PITPNC1: variants seen among roughly 807,000 people sequenced by gnomAD.
PITPNC1 encodes cytoplasmic phosphatidylinositol transfer protein 1.
Under a neutral mutation model 44.7 loss-of-function variants are expected in PITPNC1, and 18 were observed. That is an observed-to-expected ratio of 0.40 (90% CI 0.28 to 0.60). The LOEUF is 0.60. PITPNC1 is among the 20% of genes least tolerant of loss of function. The pLI, the probability that PITPNC1 is intolerant of heterozygous loss-of-function variation, is 0.39. For synonymous variants in PITPNC1, 141 were observed against 149.6 expected (o/e 0.94, Z 0.42); for missense variants, 290 against 418.4 (o/e 0.69, Z 2.68).
chr17:67,681,785 G>C (rs561412481), intron 8 of PITPNC1, among the ~76,000 whole-genome samples: 263 of 152,110 alleles, frequency 1.7e-3, no homozygotes, highest in African/African-American at 5.0e-3. Context: ...AAAAATTTAA[G>C]AGTGATTATA....
intron 1 of PITPNC1, among the ~76,000 whole-genome samples, chr17:67,444,764 G>T (rs917106292): frequency 5.3e-5 from 8 of 151,980 alleles, no homozygotes; most frequent in African/African-American, 1.9e-4. Flanking sequence ...GAGCGTGGTG[G>T]CATGTGCCTG....
At chr17:67,647,874 C>A (rs1177308624) in intron 6 of PITPNC1, among the ~76,000 whole-genome samples, 1 of 152,064 alleles carries the variant, frequency 6.6e-6, no homozygotes, top group Non-Finnish European at 1.5e-5. Context: ...AAGGTGCTCC[C>A]GGGCATGGTA....
intron 5 of PITPNC1, among the ~76,000 whole-genome samples, chr17:67,587,472 CAACAGAGCGAGACTCTGTCTCAAAAG>C (rs369962755): frequency 0.02 from 2,989 of 152,200 alleles, 104 homozygotes; most frequent in African/African-American, 0.069. Flanking sequence ...CCAGCCTGGG[CAACAGAGCGAGACTCTGTCTCAAAAG>C]AAGAAGAAGA....
At chr17:67,546,719 C>T (rs1262117567) in intron 2 of PITPNC1, among the ~76,000 whole-genome samples, 1 of 152,118 alleles carries the variant, frequency 6.6e-6, no homozygotes, top group Non-Finnish European at 1.5e-5. Flanking sequence ...GCAGGGAGGT[C>T]GGGGGTGGGG....
Position 67,669,630 on chromosome 17 carries a change from G to C in PITPNC1, c.585G>C (p.Gly195=), listed in dbSNP as rs768753864. The C allele has an allele frequency of 5.6e-6, 9 of 1,600,886 alleles. No homozygotes were observed. The East Asian group carries it at 2.0e-4, about 36-fold the overall frequency. Residue 195 remains glycine, a synonymous_variant, in exon 7 of 9, where the codon GGG becomes GGC. Transcript: ENST00000581322. ...KLVTVKFEVW[G]LQTRVEQFVH... ...TGACTGTGAAGTTTGAGGTCTGGGG[G>C]CTTCAGACCAGAGTGGAACAATTTG...
chr17:67,665,528 CTATT>C (rs986382786), intron 6 of PITPNC1, among the ~76,000 whole-genome samples: 1 of 152,192 alleles, frequency 6.6e-6, no homozygotes, highest in Non-Finnish European at 1.5e-5. Flanking sequence ...AGTGGCCACA[CTATT>C]TATATTTCTG....
At chr17:67,403,149 A>G (rs1264405716) in intron 1 of PITPNC1, among the ~76,000 whole-genome samples, 1 of 138,122 alleles carries the variant, frequency 7.2e-6, no homozygotes, top group East Asian at 2.2e-4. Context: ...CCAAGGGGCC[A>G]AGGCGGGAGG....
chr17:67,482,429 C>T (rs558202931), intron 1 of PITPNC1, among the ~76,000 whole-genome samples: 29 of 152,228 alleles, frequency 1.9e-4, no homozygotes, highest in Non-Finnish European at 3.5e-4. Flanking sequence ...TTACCTCCTT[C>T]ACAATAAGAT....
chr17:67,466,413 G>A lies in PITPNC1; in HGVS notation c.49-66389G>A, dbSNP rs559957367. Among the ~76,000 whole-genome samples the A allele has an allele frequency of 1.4e-4, 22 of 152,248 alleles. No individual in the cohort carries two copies. The South Asian group carries it at 3.1e-3, about 22-fold the overall frequency. On this transcript the variant is annotated intron_variant, in intron 1 of 8. Coordinates refer to ENST00000581322, the MANE Select transcript of PITPNC1 (RefSeq NM_012417.4). ...TGGAGAGGTTCCCATTTGTTCAAAC[G>A]CAATTTACAAACAAGGGGGCAGATG... is the stretch of plus-strand genomic sequence containing the variant.
chr17:67,518,199 C>T (rs1317606191), intron 1 of PITPNC1, among the ~76,000 whole-genome samples: 1 of 152,142 alleles, frequency 6.6e-6, no homozygotes, highest in East Asian at 1.9e-4. Flanking sequence ...AATAGAAGTG[C>T]TGTTTCAGGT....
intron 8 of PITPNC1, among the ~76,000 whole-genome samples, chr17:67,679,674 G>A (rs72839432): frequency 0.11 from 17,353 of 152,204 alleles, 1,045 homozygotes; most frequent in East Asian, 0.21. Flanking sequence ...TATTCTGTTC[G>A]TGTTCATTGT....
At chr17:67,640,405 C>G (rs988274750) in intron 6 of PITPNC1, among the ~76,000 whole-genome samples, 6 of 152,180 alleles carry the variant, frequency 3.9e-5, no homozygotes, top group Admixed American at 3.3e-4. Context: ...GAAGGCCAGG[C>G]ACAGTGGTCC....
At chr17:67,425,219 A>AGGG (rs1567984816) in intron 1 of PITPNC1, among the ~76,000 whole-genome samples, 17 of 66,322 alleles carry the variant, frequency 2.6e-4, no homozygotes, top group Non-Finnish European at 3.6e-4. Flanking sequence ...ACACACACAC[A>AGGG]CACACACACA....
chr17:67,600,769 A>AT (rs2041529318), intron 5 of PITPNC1, among the ~76,000 whole-genome samples: 1 of 151,266 alleles, frequency 6.6e-6, no homozygotes, highest in South Asian at 2.1e-4. Flanking sequence ...AGTAATTGCG[A>AT]TTTTTGCCAT....
Position 67,487,072 on chromosome 17 carries a change from G to A in PITPNC1, c.49-45730G>A, listed in dbSNP as rs751602799. Among the ~76,000 whole-genome samples, 5 of 152,066 alleles carry A rather than the reference G, an allele frequency of 3.3e-5. No homozygotes were observed. In the South Asian group the frequency reaches 1.0e-3, roughly 32 times the overall value. ...CTGTGGAATTCATTCTTATGTAGCT[G>A]TATGAAAAAGAAAACCAACATCATA... On this transcript the variant is annotated intron_variant, in intron 1 of 8. Transcript: ENST00000581322.
chr17:67,506,595 T>C (rs2040104716), intron 1 of PITPNC1, among the ~76,000 whole-genome samples: 1 of 152,196 alleles, frequency 6.6e-6, no homozygotes, highest in African/African-American at 2.4e-5. Context: ...TGCCTATTTT[T>C]ATTTTATTAT....
At chr17:67,681,608 CAAAAAAAAAAAAAAAAA>C (rs5821459) in intron 8 of PITPNC1, among the ~76,000 whole-genome samples, 1 of 36,416 alleles carries the variant, frequency 2.7e-5, no homozygotes, top group Non-Finnish European at 5.0e-5. Context: ...AACCCTATCT[CAAAAAAAAAAAAAAAAA>C]AAAAAAAAAT....
intron 1 of PITPNC1, among the ~76,000 whole-genome samples, chr17:67,410,291 T>G (rs1438528312): frequency 1.3e-5 from 2 of 152,246 alleles, no homozygotes; most frequent in African/African-American, 4.8e-5. Flanking sequence ...TTTGATTTAT[T>G]TTATTTTTTC....
Position 67,675,476 on chromosome 17 carries a change from T to C in PITPNC1, c.619-3T>C. 6.2e-7 allele frequency: 1 copy of C among 1,601,012 alleles called. No individual in the cohort carries two copies. The highest frequency in any genetic ancestry group is 8.6e-7 in the Non-Finnish European group (1 of 1,168,052). Reference sequence around the variant, plus strand: ...ATTTCAGTCTCCTTCTTTTACTTTTTAGGTGGTCCGAGACATTCTGCTGAT... The same window carrying C: ...ATTTCAGTCTCCTTCTTTTACTTTTCAGGTGGTCCGAGACATTCTGCTGAT... On this transcript the variant is annotated splice_polypyrimidine_tract_variant and splice_region_variant and intron_variant, in intron 7 of 8. Coordinates refer to ENST00000581322, the MANE Select transcript of PITPNC1 (RefSeq NM_012417.4).
Sources: gnomAD v4.1 joint callset for allele counts (sites outside exome capture counted in the v4.1 genomes callset) on GRCh38, gnomAD v4.1.1 for gene constraint, MANE v1.5 for transcripts, NCBI Gene and HGNC (gene_info 2026-07-23, HGNC 2026-07-21) for gene names.